The following RAPGEF2 variants were observed in gnomAD, a reference collection of about 807,000 sequenced individuals.
RAPGEF2 encodes PDZ domain containing guanine nucleotide exchange factor (GEF) 1.
A neutral mutation model predicts 186.7 loss-of-function variants in RAPGEF2; 54 were observed. That is an observed-to-expected ratio of 0.29 (90% CI 0.23 to 0.36). RAPGEF2 has a LOEUF of 0.36. Ranked by LOEUF, RAPGEF2 falls within the 10% of genes least tolerant of loss-of-function variation. The pLI, the probability that RAPGEF2 is intolerant of heterozygous loss-of-function variation, is 1.00. For synonymous variants in RAPGEF2, 712 were observed against 705.9 expected, an observed-to-expected ratio of 1.01 and a Z score of -0.14; for missense variants, 1,532 against 2,045.0, an observed-to-expected ratio of 0.75 and a Z score of 4.84.
intron 4 of RAPGEF2, among the ~76,000 whole-genome samples, chr4:159,219,381 A>T (rs1402145622): frequency 8.6e-5 from 8 of 93,166 alleles, no homozygotes; most frequent in South Asian, 3.8e-4. Flanking sequence ...TTTGAGACGG[A>T]GTCTTGCTCT....
chr4:159,292,197 C>T (rs1304914278), intron 7 of RAPGEF2, among the ~76,000 whole-genome samples: 1 of 152,140 alleles, frequency 6.6e-6, no homozygotes, highest in East Asian at 1.9e-4. Flanking sequence ...ACCATAGCTC[C>T]CCACGTGATT....
intron 7 of RAPGEF2, chr4:159,267,268 G>T: frequency 7.8e-7 from 1 of 1,289,376 alleles, no homozygotes; most frequent in South Asian, 1.2e-5. Context: ...GGCTTTCCTT[G>T]TGCGTTGCTA....
intron 4 of RAPGEF2, among the ~76,000 whole-genome samples, chr4:159,237,764 A>G (rs548166828): frequency 6.7e-6 from 1 of 148,916 alleles, no homozygotes; most frequent in East Asian, 2.0e-4. Context: ...TTTGGGAGGC[A>G]GAGGAGGGAA....
chr4:159,354,599 G>C (rs1483154905), intron 28 of RAPGEF2, among the ~76,000 whole-genome samples: 1 of 152,068 alleles, frequency 6.6e-6, no homozygotes, highest in African/African-American at 2.4e-5. Context: ...GAGTCAGGCG[G>C]ACTGGGGATT....
At chr4:159,280,145 T>C (rs1759496897) in intron 7 of RAPGEF2, among the ~76,000 whole-genome samples, 1 of 152,212 alleles carries the variant, frequency 6.6e-6, no homozygotes, top group Admixed American at 6.5e-5. Flanking sequence ...ATTTGGGTGA[T>C]ATGATTGCTC....
chr4:159,281,888 T>C (rs1470394997), intron 7 of RAPGEF2, among the ~76,000 whole-genome samples: 3 of 152,134 alleles, frequency 2.0e-5, no homozygotes, highest in Non-Finnish European at 4.4e-5. Context: ...TCAGAATCTT[T>C]TTGCAAACTG....
intron 7 of RAPGEF2, among the ~76,000 whole-genome samples, chr4:159,290,938 G>C (rs1265401757): frequency 6.6e-6 from 1 of 152,144 alleles, no homozygotes; most frequent in African/African-American, 2.4e-5. Context: ...GACACATGAA[G>C]CCTTTGAAAA....
In RAPGEF2 at chr4:159,266,677, ACAT is replaced by A. The variant is rs200594438; in HGVS notation, c.543+22891_543+22893del. On this transcript the variant is annotated intron_variant, in intron 7 of 29. Coordinates refer to ENST00000691494, the MANE Select transcript of RAPGEF2 (RefSeq NM_001394067.2). ...GTGTGTATGGGTGTTTGTGAAAATC[ACAT>A]CATCTAAATGTATACAAAGCTTGTC... Among the ~76,000 whole-genome samples the A allele has an allele frequency of 9.8e-3, 1,493 of 152,260 alleles. 20 individuals are homozygous for A. Among genetic ancestry groups the A allele is most frequent in the African/African-American group, 0.034 (1,393 of 41,532 alleles).
chr4:159,192,286 G>GTGGGAACGC (rs1748206439), intron 2 of RAPGEF2, among the ~76,000 whole-genome samples: 1 of 152,146 alleles, frequency 6.6e-6, no homozygotes, highest in East Asian at 1.9e-4. Context: ...AAGTACGGTG[G>GTGGGAACGC]TGGGAACGCG....
At chr4:159,250,803 C>T (rs940541602) in intron 7 of RAPGEF2, among the ~76,000 whole-genome samples, 1 of 152,030 alleles carries the variant, frequency 6.6e-6, no homozygotes, top group African/African-American at 2.4e-5. Context: ...GCGCCTCGGC[C>T]TCGGCATCCA....
intron 7 of RAPGEF2, among the ~76,000 whole-genome samples, chr4:159,276,259 T>A (rs74689598): frequency 0.013 from 1,978 of 152,278 alleles, 45 homozygotes; most frequent in African/African-American, 0.045. Flanking sequence ...AAGGATGAAA[T>A]TAGCTTTTTC....
chr4:159,222,695 C>T (rs533449264), intron 4 of RAPGEF2, among the ~76,000 whole-genome samples: 1 of 152,192 alleles, frequency 6.6e-6, no homozygotes, highest in East Asian at 1.9e-4. Context: ...TGTATGAATT[C>T]AGGGTGTATC....
intron 1 of RAPGEF2, among the ~76,000 whole-genome samples, chr4:159,139,553 T>A (rs1742087307): frequency 6.6e-6 from 1 of 152,098 alleles, no homozygotes; most frequent in African/African-American, 2.4e-5. Flanking sequence ...CTGAAATACA[T>A]GGAGTGTGAT....
chr4:159,203,255 G>T (rs10050099), intron 3 of RAPGEF2, among the ~76,000 whole-genome samples: 49,804 of 151,958 alleles, frequency 0.33, 8,419 homozygotes, highest in Non-Finnish European at 0.37. Flanking sequence ...TCACATCTTT[G>T]ACTTTCAAGC....
intron 4 of RAPGEF2, among the ~76,000 whole-genome samples, chr4:159,213,227 A>G (rs1415585234): frequency 6.6e-6 from 1 of 152,206 alleles, no homozygotes; most frequent in Non-Finnish European, 1.5e-5. Flanking sequence ...TTAATGAGAA[A>G]GAGTTTAATG....
chr4:159,261,851 T>A (rs1756912915), intron 7 of RAPGEF2, among the ~76,000 whole-genome samples: 1 of 152,236 alleles, frequency 6.6e-6, no homozygotes, highest in Non-Finnish European at 1.5e-5. Flanking sequence ...ACCTATGAAT[T>A]GTTCCTTAAG....
At chr4:159,118,263 T>C (rs1031399693) in intron 1 of RAPGEF2, among the ~76,000 whole-genome samples, 4 of 152,182 alleles carry the variant, frequency 2.6e-5, no homozygotes, top group Admixed American at 6.5e-5. Flanking sequence ...ACAAACCCTA[T>C]TGTGAACTGC....
intron 10 of RAPGEF2, among the ~76,000 whole-genome samples, chr4:159,322,747 G>A (rs983404191): frequency 2.0e-5 from 3 of 152,120 alleles, no homozygotes; most frequent in African/African-American, 7.2e-5. Flanking sequence ...CAGAATCATG[G>A]CAGGCGGTGA....
chr4:159,354,016 G>A lies in RAPGEF2; in HGVS notation c.4621G>A (p.Val1541Met). Reference sequence around the variant, plus strand: ...TGTCCCCATGCCTGCCCACATAGCTGTGGCATCAAGTACTACAAAGGGGCT... The same window carrying A: ...TGTCCCCATGCCTGCCCACATAGCTATGGCATCAAGTACTACAAAGGGGCT... ...KPVPMPAHIA[V>M]ASSTTKGLIA... The change falls in exon 28 of 30, where the codon GTG becomes ATG. Residue 1541 changes from valine (V) to methionine (M), a missense_variant. Coordinates refer to ENST00000691494, the MANE Select transcript of RAPGEF2 (RefSeq NM_001394067.2). The A allele has an allele frequency of 6.2e-7, 1 of 1,602,744 alleles. No homozygotes were observed. The highest frequency in any genetic ancestry group is 1.1e-5 in the South Asian group (1 of 89,158).
Sources: allele counts gnomAD v4.1 joint callset (sites outside exome capture counted in the v4.1 genomes callset), GRCh38; gene constraint gnomAD v4.1.1; transcripts MANE v1.5; gene names NCBI Gene and HGNC (gene_info 2026-07-23, HGNC 2026-07-21).